SEMA3E: variants seen among roughly 807,000 people sequenced by gnomAD.
The protein encoded by SEMA3E is semaphorin-3E.
Under a neutral mutation model 93.6 loss-of-function variants are expected in SEMA3E, and 49 were observed. The ratio of observed to expected loss-of-function variants is 0.52; its 90% confidence interval spans 0.42 to 0.66. SEMA3E has a LOEUF of 0.66. Ranked by LOEUF, SEMA3E falls within the 30% of genes least tolerant of loss-of-function variation. The pLI, the probability that SEMA3E is intolerant of heterozygous loss-of-function variation, is 0.00. For synonymous variants in SEMA3E, 363 were observed against 330.7 expected (o/e 1.10, Z -1.06); for missense variants, 906 against 964.8 (o/e 0.94, Z 0.81).
chr7:83,532,753 T>C (rs954925154), intron 1 of SEMA3E, among the ~76,000 whole-genome samples: 2 of 150,140 alleles, frequency 1.3e-5, no homozygotes, highest in African/African-American at 4.9e-5. Context: ...TTTTGAGATA[T>C]AATCTGACTG....
chr7:83,617,713 G>C (rs1436252809), intron 1 of SEMA3E, among the ~76,000 whole-genome samples: 14 of 149,806 alleles, frequency 9.3e-5, no homozygotes, highest in African/African-American at 3.4e-4. Context: ...GTAAATCACT[G>C]TTTGATGGGC....
At chr7:83,597,331 C>A (rs1792896812) in intron 1 of SEMA3E, among the ~76,000 whole-genome samples, 1 of 152,112 alleles carries the variant, frequency 6.6e-6, no homozygotes, top group East Asian at 1.9e-4. Context: ...GTCAAAAAAT[C>A]TTGATACTCT....
chr7:83,528,660 T>A (rs1400489911), intron 1 of SEMA3E, among the ~76,000 whole-genome samples: 1 of 152,120 alleles, frequency 6.6e-6, no homozygotes, highest in African/African-American at 2.4e-5. Context: ...TCCAAATCTT[T>A]AATGTTTTCA....
At chr7:83,591,881 T>A (rs1272801365) in intron 1 of SEMA3E, among the ~76,000 whole-genome samples, 4 of 152,076 alleles carry the variant, frequency 2.6e-5, no homozygotes, top group African/African-American at 9.7e-5. Context: ...TTGCATTTTT[T>A]AAATGTATTC....
intron 1 of SEMA3E, among the ~76,000 whole-genome samples, chr7:83,574,564 A>G (rs1389073884): frequency 6.6e-6 from 1 of 152,104 alleles, no homozygotes; most frequent in Non-Finnish European, 1.5e-5. Flanking sequence ...ACCCACATAA[A>G]CTTGGGTTTA....
At chr7:83,619,305 C>T (rs1285092343) in intron 1 of SEMA3E, among the ~76,000 whole-genome samples, 1 of 151,572 alleles carries the variant, frequency 6.6e-6, no homozygotes, top group African/African-American at 2.4e-5. Flanking sequence ...TAGATAAATA[C>T]AAATAATTTT....
chr7:83,510,999 CA>C (rs1204349941), intron 1 of SEMA3E, among the ~76,000 whole-genome samples: 1 of 152,048 alleles, frequency 6.6e-6, no homozygotes, highest in East Asian at 1.9e-4. Flanking sequence ...GGTGTTTCAT[CA>C]CTCAGATTTA....
At chr7:83,600,924 A>G (rs1170112153) in intron 1 of SEMA3E, among the ~76,000 whole-genome samples, 1 of 152,200 alleles carries the variant, frequency 6.6e-6, no homozygotes, top group Non-Finnish European at 1.5e-5. Context: ...TGAATATGTT[A>G]TGGCAAAAGA....
intron 1 of SEMA3E, among the ~76,000 whole-genome samples, chr7:83,571,430 A>G (rs1005193993): frequency 1.3e-5 from 2 of 152,240 alleles, no homozygotes. Context: ...TACACAAATC[A>G]GTAAATATTA....
At chr7:83,521,740 T>G (rs573717690) in intron 1 of SEMA3E, among the ~76,000 whole-genome samples, 1 of 152,194 alleles carries the variant, frequency 6.6e-6, no homozygotes, top group South Asian at 2.1e-4. Context: ...TCTGGTGTTG[T>G]CCTCACAGGC....
intron 4 of SEMA3E, among the ~76,000 whole-genome samples, chr7:83,458,839 A>C (rs889035094): frequency 5.4e-5 from 8 of 148,156 alleles, no homozygotes; most frequent in Admixed American, 1.4e-4. Context: ...ATAAATATAT[A>C]TATTTTTCTT....
chr7:83,593,284 CTG>C (rs66605514), intron 1 of SEMA3E, among the ~76,000 whole-genome samples: 14,253 of 114,902 alleles, frequency 0.12, 834 homozygotes, highest in Non-Finnish European at 0.17. Context: ...CTCTCTCTCT[CTG>C]TGTGTGTGTG....
chr7:83,609,591 C>T (rs1178048313), intron 1 of SEMA3E, among the ~76,000 whole-genome samples: 1 of 151,936 alleles, frequency 6.6e-6, no homozygotes, highest in Non-Finnish European at 1.5e-5. Context: ...ATCAATACCA[C>T]TCTCATTCAA....
intron 1 of SEMA3E, among the ~76,000 whole-genome samples, chr7:83,506,537 C>A (rs1790709203): frequency 1.3e-5 from 2 of 151,474 alleles, no homozygotes; most frequent in South Asian, 4.2e-4. Context: ...TAAATAAGAT[C>A]TAGTATTTGA....
chr7:83,397,880 C>T (rs551320706), intron 11 of SEMA3E, among the ~76,000 whole-genome samples: 80 of 152,054 alleles, frequency 5.3e-4, no homozygotes, highest in Non-Finnish European at 8.5e-4. Flanking sequence ...GTACACTACC[C>T]AAAGGAAACA....
At chr7:83,562,270 A>C (rs1428506328) in intron 1 of SEMA3E, among the ~76,000 whole-genome samples, 1 of 152,028 alleles carries the variant, frequency 6.6e-6, no homozygotes, top group South Asian at 2.1e-4. Flanking sequence ...TTTTCAGTTG[A>C]GAGTTTCAAC....
At chr7:83,438,826 T>C (rs1432977050) in intron 4 of SEMA3E, among the ~76,000 whole-genome samples, 2 of 152,168 alleles carry the variant, frequency 1.3e-5, no homozygotes, top group East Asian at 3.8e-4. Flanking sequence ...CATTTATGTA[T>C]ACACTTTTAA....
chr7:83,545,535 A>C (rs550003886), intron 1 of SEMA3E, among the ~76,000 whole-genome samples: 1 of 139,006 alleles, frequency 7.2e-6, no homozygotes, highest in Admixed American at 7.7e-5. Flanking sequence ...TTTAGGTCAA[A>C]ACTGTTGAAG....
At position 83,367,613 on chromosome 7, in the gene SEMA3E, G is replaced by A. The variant is rs758239590; in HGVS notation, c.2301C>T (p.Arg767=). 20 of 1,614,024 alleles carry A rather than the reference G, an allele frequency of 1.2e-5. No homozygotes were observed. The highest frequency in any genetic ancestry group is 1.6e-5 in the Non-Finnish European group (19 of 1,180,020). ...KKLRSKPEHY[R]LPRHTLDS ...AGGAGTCCAGCGTGTGCCTGGGCAGGCGGTAATGCTCAGGTTTGGAACGGA... is the reference window on the plus strand; with the variant it reads ...AGGAGTCCAGCGTGTGCCTGGGCAGACGGTAATGCTCAGGTTTGGAACGGA... Residue 767 remains arginine (R), a synonymous_variant, in exon 17 of 17, where the codon CGC becomes CGT. Coordinates refer to ENST00000643230, the MANE Select transcript of SEMA3E (RefSeq NM_012431.3).
Sources: gnomAD v4.1 joint callset for allele counts (sites outside exome capture counted in the v4.1 genomes callset) on GRCh38, gnomAD v4.1.1 for gene constraint, MANE v1.5 for transcripts, NCBI Gene and HGNC (gene_info 2026-07-23, HGNC 2026-07-21) for gene names.